WAC: variants seen among roughly 807,000 people sequenced by gnomAD.
The protein encoded by WAC is WW domain containing adaptor with coiled-coil, also known as WW domain-containing adapter protein with coiled-coil.
A neutral mutation model predicts 79.6 loss-of-function variants in WAC; 11 were observed. The observed-to-expected ratio is 0.14, with a 90% confidence interval of 0.09 to 0.23. WAC has a LOEUF of 0.23. Ranked by LOEUF, WAC falls within the 10% of genes least tolerant of loss-of-function variation. WAC has a pLI of 1.00. For missense variants in WAC, 728 were observed against 773.5 expected (o/e 0.94, Z 0.70); for synonymous variants, 304 against 276.9 (o/e 1.10, Z -0.97).
Position 28,533,527 on chromosome 10 carries a change from C to T in WAC, c.-53C>T, listed in dbSNP as rs1405507483. The T allele has an allele frequency of 6.5e-6, 8 of 1,224,110 alleles. No individual in the cohort carries two copies. The highest frequency in any genetic ancestry group is 6.4e-5 in the South Asian group (3 of 47,064). 75.8% of individuals were successfully genotyped at this position (1,224,110 alleles called of 1,614,324 possible). On this transcript the variant is annotated 5_prime_UTR_variant, in exon 1 of 14. Coordinates refer to ENST00000354911, the MANE Select transcript of WAC (RefSeq NM_016628.5). ...CGCCGCCGCCTGCGCGCCCGCCCGC[C>T]TTTCGCGGCCGCTCTCCCCCCTCCC... is the stretch of plus-strand genomic sequence containing the variant.
intron 6 of WAC, 50 bp from the exon 7 acceptor site, chr10:28,595,682 CT>C (rs773739669): frequency 4.9e-5 from 75 of 1,532,814 alleles, no homozygotes; most frequent in Non-Finnish European, 6.3e-5. Flanking sequence ...AATCTTTTTT[CT>C]TCCCCCTTCT....
intron 3 of WAC, among the ~76,000 whole-genome samples, chr10:28,560,303 G>C (rs983504883): frequency 2.0e-5 from 3 of 152,192 alleles, no homozygotes; most frequent in African/African-American, 7.2e-5. Flanking sequence ...AGGAGGTCTA[G>C]CGAGCCGTCC....
intron 3 of WAC, among the ~76,000 whole-genome samples, chr10:28,580,800 T>C (rs332147): frequency 0.17 from 25,526 of 152,162 alleles, 2,820 homozygotes; most frequent in Non-Finnish European, 0.25. Flanking sequence ...CTTTAAAACT[T>C]GAAGTATTAA....
chr10:28,559,135 GAT>G lies in WAC; in HGVS notation c.274+23379_274+23380del, dbSNP rs1491177883. On this transcript the variant is annotated intron_variant, in intron 3 of 13. Coordinates refer to ENST00000354911, the MANE Select transcript of WAC (RefSeq NM_016628.5). ...TTAAATCTCTGCTCTCGAGAAACCTGATGTGTGTGTGTGTGTGTGTGTGTGTG... is the reference window on the plus strand; with the variant it reads ...TTAAATCTCTGCTCTCGAGAAACCTGGTGTGTGTGTGTGTGTGTGTGTGTG... Among the ~76,000 whole-genome samples, 573 of 64,804 alleles carry G rather than the reference GAT, an allele frequency of 8.8e-3. 5 individuals carry two copies. Among genetic ancestry groups the G allele is most frequent in the African/African-American group, 0.042 (557 of 13,354 alleles). The allele number at this position is 64,804 out of a possible 152,430, so 42.5% of individuals were successfully genotyped here. A position where few individuals can be genotyped will look rare whatever the true frequency, so the allele number is the denominator to read the frequency against.
chr10:28,582,450 T>C (rs535335179), intron 3 of WAC, among the ~76,000 whole-genome samples: 2 of 152,366 alleles, frequency 1.3e-5, no homozygotes, highest in African/African-American at 4.8e-5. Flanking sequence ...CTAACTCATT[T>C]CTGCTTTTAT....
chr10:28,596,651 A>C (rs1295120468), intron 7 of WAC, among the ~76,000 whole-genome samples: 1 of 152,240 alleles, frequency 6.6e-6, no homozygotes, highest in East Asian at 1.9e-4. Context: ...AAGGTGTGAC[A>C]CAACATAAGC....
intron 3 of WAC, among the ~76,000 whole-genome samples, chr10:28,553,460 G>A (rs1424879416): frequency 6.6e-6 from 1 of 151,708 alleles, no homozygotes; most frequent in Non-Finnish European, 1.5e-5. Context: ...ATTTCTGGTG[G>A]GTTTAATTTT....
intron 3 of WAC, among the ~76,000 whole-genome samples, chr10:28,565,987 C>A (rs1360532156): frequency 1.3e-5 from 2 of 151,928 alleles, no homozygotes; most frequent in Non-Finnish European, 2.9e-5. Flanking sequence ...GACATTTATA[C>A]CAAAGTTTCA....
chr10:28,540,678 ATGT>A (rs1247617313), intron 3 of WAC, among the ~76,000 whole-genome samples: 1 of 152,216 alleles, frequency 6.6e-6, no homozygotes, highest in Non-Finnish European at 1.5e-5. Flanking sequence ...CGTTTGACTG[ATGT>A]TAAGTATTTT....
intron 3 of WAC, among the ~76,000 whole-genome samples, chr10:28,543,345 A>G (rs1232556653): frequency 6.6e-6 from 1 of 152,260 alleles, no homozygotes; most frequent in Admixed American, 6.5e-5. Flanking sequence ...TAATATATCA[A>G]AAATATTTCA....
At chr10:28,533,944 G>A (rs1836454301) in intron 1 of WAC, 54 bp from the exon 2 acceptor site, 16 of 1,597,562 alleles carry the variant, frequency 1.0e-5, no homozygotes, top group Non-Finnish European at 1.3e-5. Context: ...CTTCCTCCCC[G>A]GCCCCCCACC....
rs1338350448 is a variant in WAC at position 28,559,055 on chromosome 10, TATATC to T, written c.274+23300_274+23304del. On this transcript the variant is annotated intron_variant, in intron 3 of 13. Coordinates refer to ENST00000354911, the MANE Select transcript of WAC (RefSeq NM_016628.5). ...TGAGACACTTAACGTAGTACGTAAA[TATATC>T]AGGCAGCCTAGTGTGTCAAGTACTG... Among the ~76,000 whole-genome samples the T allele has an allele frequency of 2.6e-5, 4 of 152,112 alleles. No homozygotes were observed. In the East Asian group the frequency reaches 5.8e-4, roughly 22 times the overall value.
chr10:28,593,299 G>A (rs1281941226), intron 6 of WAC, among the ~76,000 whole-genome samples: 1 of 152,128 alleles, frequency 6.6e-6, no homozygotes, highest in Non-Finnish European at 1.5e-5. Context: ...GTGTATTGGT[G>A]TTTGTGTAGA....
At chr10:28,558,393 T>C (rs1838115919) in intron 3 of WAC, among the ~76,000 whole-genome samples, 1 of 152,202 alleles carries the variant, frequency 6.6e-6, no homozygotes, top group Non-Finnish European at 1.5e-5. Context: ...ATTTGATTTC[T>C]TAATGTTTGA....
In WAC at chr10:28,617,570, G is replaced by A; in HGVS notation, c.1747-87G>A. On this transcript the variant is annotated intron_variant, in intron 12 of 13. Transcript: ENST00000354911. ...GGAAAAGGATTATTCTCTAATCCTAGTATAAAATTGTACTCAGAAATTTAA... is the reference window on the plus strand; with the variant it reads ...GGAAAAGGATTATTCTCTAATCCTAATATAAAATTGTACTCAGAAATTTAA... The A allele has an allele frequency of 1.5e-5, 18 of 1,215,454 alleles. No individual in the cohort carries two copies. In the South Asian group the frequency reaches 2.9e-4, roughly 19 times the overall value. 75.3% of individuals were successfully genotyped at this position (1,215,454 alleles called of 1,614,324 possible).
At chr10:28,539,491 A>T (rs1836882721) in intron 3 of WAC, among the ~76,000 whole-genome samples, 3 of 152,160 alleles carry the variant, frequency 2.0e-5, no homozygotes, top group South Asian at 4.1e-4. Context: ...ATAGTCTGTG[A>T]TCTGTCTGAA....
chr10:28,550,464 G>A (rs1837605817), intron 3 of WAC, among the ~76,000 whole-genome samples: 1 of 149,124 alleles, frequency 6.7e-6, no homozygotes, highest in South Asian at 2.1e-4. Flanking sequence ...TAGCTCTTTT[G>A]TAGAGATTTG....
chr10:28,611,578 A>AC (rs1491385318), intron 9 of WAC, 196 bp from the exon 10 acceptor site: 2 of 1,263,204 alleles, frequency 1.6e-6, no homozygotes, highest in African/African-American at 3.0e-5. Context: ...TTACCTCTGA[A>AC]CACACAGCTC....
intron 7 of WAC, among the ~76,000 whole-genome samples, chr10:28,599,408 T>G (rs892335901): frequency 6.6e-6 from 1 of 152,204 alleles, no homozygotes; most frequent in African/African-American, 2.4e-5. Context: ...GTGTAAATAT[T>G]TGTTGTAGAT....
Sources: allele counts gnomAD v4.1 joint callset (sites outside exome capture counted in the v4.1 genomes callset), GRCh38; gene constraint gnomAD v4.1.1; transcripts MANE v1.5; gene names NCBI Gene and HGNC (gene_info 2026-07-23, HGNC 2026-07-21).